SGTB: variants seen among roughly 807,000 people sequenced by gnomAD.
SGTB encodes the protein small glutamine rich tetratricopeptide repeat co-chaperone beta.
In SGTB, 19 loss-of-function variants were observed where a neutral mutation model predicts 43.9. That is an observed-to-expected ratio of 0.43 (90% confidence interval 0.30 to 0.63). The LOEUF (loss-of-function observed/expected upper bound fraction) is 0.63. Among genes scored for constraint, SGTB ranks in the 30% least tolerant of loss-of-function variants. SGTB has a pLI of 0.12. For missense variants in SGTB, 304 were observed against 358.9 expected, an observed-to-expected ratio of 0.85 and a Z score of 1.24; for synonymous variants, 116 against 117.3, an observed-to-expected ratio of 0.99 and a Z score of 0.07.
At chr5:65,714,477 G>A (rs1459340351) in intron 2 of SGTB, among the ~76,000 whole-genome samples, 5 of 152,166 alleles carry the variant, frequency 3.3e-5, no homozygotes, top group African/African-American at 7.2e-5. Flanking sequence ...TATGGCTAGG[G>A]TATACAGTGG....
In SGTB at chr5:65,716,036, C is replaced by G. The variant is rs540898356; in HGVS notation, c.101-2972G>C. 1.4e-4 allele frequency among the ~76,000 whole-genome samples: 21 copies of G among 152,340 alleles called. No individual in the cohort carries two copies. In the South Asian group the frequency reaches 4.3e-3, roughly 32 times the overall value. On this transcript the variant is annotated intron_variant, in intron 2 of 10. Transcript: ENST00000381007. ...CCGCCCGCCTCGGCCTCCCGAAGTA[C>G]TGGGATTACAGGTGTGAGCCACCGC...
intron 8 of SGTB, among the ~76,000 whole-genome samples, chr5:65,672,484 A>G (rs1031418773): frequency 1.3e-5 from 2 of 152,226 alleles, no homozygotes; most frequent in African/African-American, 4.8e-5. Flanking sequence ...TGGTGAGGAT[A>G]AAGAGATTAC....
intron 5 of SGTB, among the ~76,000 whole-genome samples, chr5:65,690,458 G>A (rs144221552): frequency 6.6e-6 from 1 of 152,152 alleles, no homozygotes; most frequent in East Asian, 1.9e-4. Context: ...CCTAAAAAAG[G>A]TAGCAGAAAA....
At chr5:65,680,009 C>T (rs765881506) in intron 8 of SGTB, among the ~76,000 whole-genome samples, 1 of 152,162 alleles carries the variant, frequency 6.6e-6, no homozygotes, top group Admixed American at 6.5e-5. Context: ...TTATGTCCCT[C>T]GCAGGGACAT....
chr5:65,694,601 G>C (rs1202680625), intron 5 of SGTB, among the ~76,000 whole-genome samples: 1 of 151,928 alleles, frequency 6.6e-6, no homozygotes, highest in African/African-American at 2.4e-5. Context: ...TCAGCCTCCA[G>C]AGTAGCTGGG....
intron 4 of SGTB, among the ~76,000 whole-genome samples, chr5:65,707,297 T>C (rs1028862958): frequency 2.6e-5 from 4 of 151,628 alleles, no homozygotes; most frequent in Non-Finnish European, 5.9e-5. Context: ...CACAGTGATA[T>C]AGGTATATAT....
At chr5:65,674,712 T>A (rs566772852) in intron 8 of SGTB, among the ~76,000 whole-genome samples, 6 of 152,314 alleles carry the variant, frequency 3.9e-5, no homozygotes, top group African/African-American at 1.4e-4. Context: ...CACACCTTAT[T>A]TTGGTACATA....
intron 5 of SGTB, among the ~76,000 whole-genome samples, chr5:65,690,681 A>G (rs1561157435): frequency 6.6e-6 from 1 of 152,182 alleles, no homozygotes; most frequent in Non-Finnish European, 1.5e-5. Context: ...ATTTTTACTA[A>G]TCATCCTTTT....
intron 5 of SGTB, among the ~76,000 whole-genome samples, chr5:65,689,247 A>T (rs1257120013): frequency 1.3e-5 from 2 of 152,228 alleles, no homozygotes; most frequent in African/African-American, 4.8e-5. Context: ...TAAAGTAAAA[A>T]CACTTATCTG....
upstream of SGTB, chr5:65,722,503 G>A: frequency 8.2e-7 from 1 of 1,213,924 alleles, no homozygotes; most frequent in Non-Finnish European, 1.2e-6. Context: ...ACCCCTTCCC[G>A]ACCGCGCCTC....
intron 5 of SGTB, among the ~76,000 whole-genome samples, chr5:65,690,032 TAGA>T (rs1359907855): frequency 1.5e-5 from 2 of 137,888 alleles, no homozygotes; most frequent in African/African-American, 2.8e-5. Flanking sequence ...GAATAACCAT[TAGA>T]AGAAGAGATA....
chr5:65,687,842 C>T (rs1757529341), intron 5 of SGTB, among the ~76,000 whole-genome samples: 1 of 152,186 alleles, frequency 6.6e-6, no homozygotes, highest in South Asian at 2.1e-4. Flanking sequence ...GATCTCGGCT[C>T]ACTGCAACCT....
intron 4 of SGTB, among the ~76,000 whole-genome samples, 194 bp downstream of exon 4, chr5:65,708,295 T>A (rs1436520161): frequency 6.6e-6 from 1 of 152,232 alleles, no homozygotes; most frequent in Admixed American, 6.5e-5. Flanking sequence ...AAGCAAGCCG[T>A]AACTGTACTG....
At chr5:65,693,388 A>G (rs1367336484) in intron 5 of SGTB, among the ~76,000 whole-genome samples, 1 of 138,630 alleles carries the variant, frequency 7.2e-6, no homozygotes. Flanking sequence ...AAAGGGAGGG[A>G]GGGAAGGAAA....
chr5:65,693,398 AGAAG>A (rs149610320), intron 5 of SGTB, among the ~76,000 whole-genome samples: 37,562 of 147,280 alleles, frequency 0.26, 4,953 homozygotes, highest in Non-Finnish European at 0.3. Flanking sequence ...AGGGAAGGAA[AGAAG>A]GAAGGAAGGA....
chr5:65,694,545 G>A lies in SGTB; in HGVS notation c.375-9073C>T, dbSNP rs566013230. 2.6e-5 allele frequency among the ~76,000 whole-genome samples: 4 copies of A among 152,110 alleles called. No individual in the cohort carries two copies. In the East Asian group the frequency reaches 7.7e-4, roughly 29 times the overall value. On this transcript the variant is annotated intron_variant, in intron 5 of 10. Transcript: ENST00000381007. ...GGCTGGAGTGTAGTGACGTGACTTC[G>A]GCTCACTGCAACCTCCGCCTCCCGG... is the stretch of plus-strand genomic sequence containing the variant.
chr5:65,693,095 G>A (rs1757643658), intron 5 of SGTB, among the ~76,000 whole-genome samples: 1 of 152,028 alleles, frequency 6.6e-6, no homozygotes, highest in African/African-American at 2.4e-5. Flanking sequence ...TCAGGAGACT[G>A]AGGCATGAGA....
intron 8 of SGTB, 56 bp downstream of exon 8, chr5:65,680,438 G>A: frequency 6.3e-7 from 1 of 1,588,740 alleles, no homozygotes; most frequent in Non-Finnish European, 8.6e-7. Context: ...AAATTGCATA[G>A]CTACATAGTC....
At chr5:65,672,772 T>C (rs1041967211) in intron 8 of SGTB, among the ~76,000 whole-genome samples, 1 of 152,216 alleles carries the variant, frequency 6.6e-6, no homozygotes. Context: ...ATTTTTTCCC[T>C]CAAATTGGTA....
Sources: gnomAD v4.1 joint callset for allele counts (sites outside exome capture counted in the v4.1 genomes callset) on GRCh38, gnomAD v4.1.1 for gene constraint, MANE v1.5 for transcripts, NCBI Gene and HGNC (gene_info 2026-07-23, HGNC 2026-07-21) for gene names.